The following KIF26B variants were observed in gnomAD, a reference collection of about 807,000 sequenced individuals.
The protein encoded by KIF26B is kinesin family member 26B, also known as kinesin-like protein KIF26B.
A neutral mutation model predicts 151.2 loss-of-function variants in KIF26B; 63 were observed. That is an observed-to-expected ratio of 0.42 (90% CI 0.34 to 0.51). The LOEUF is 0.51. Among genes scored for constraint, KIF26B ranks in the 20% least tolerant of loss-of-function variants. The pLI is 0.07. For missense variants in KIF26B, 2,813 were observed against 2,913.6 expected, an observed-to-expected ratio of 0.97 and a Z score of 0.79; for synonymous variants, 1,357 against 1,262.1, an observed-to-expected ratio of 1.08 and a Z score of -1.59.
At chr1:245,280,598 T>G (rs79581889) in intron 2 of KIF26B, among the ~76,000 whole-genome samples, 5,147 of 30,934 alleles carry the variant, frequency 0.17, 167 homozygotes, top group Middle Eastern at 0.31. Context: ...GAAGTTTTCG[T>G]TTTTTTTTTT....
chr1:245,307,730 ATC>A (rs967018903), intron 2 of KIF26B, among the ~76,000 whole-genome samples: 12 of 143,306 alleles, frequency 8.4e-5, no homozygotes, highest in African/African-American at 2.8e-4. Flanking sequence ...TCTACCAGGA[ATC>A]TCTCTCTCTC....
At chr1:245,514,293 G>A (rs965073559) in intron 4 of KIF26B, among the ~76,000 whole-genome samples, 3 of 152,110 alleles carry the variant, frequency 2.0e-5, no homozygotes, top group Admixed American at 6.6e-5. Context: ...TTGGGAGTCC[G>A]AGGCGGGCGG....
At chr1:245,690,834 T>C (rs890581402) in intron 12 of KIF26B, among the ~76,000 whole-genome samples, 1 of 152,220 alleles carries the variant, frequency 6.6e-6, no homozygotes, top group Non-Finnish European at 1.5e-5. Context: ...GAACCCCATT[T>C]AAGACAAGTT....
chr1:245,672,766 C>T (rs1165149200), intron 10 of KIF26B, among the ~76,000 whole-genome samples: 2 of 152,130 alleles, frequency 1.3e-5, no homozygotes, highest in Non-Finnish European at 2.9e-5. Flanking sequence ...AGACCTTTAC[C>T]TAGTCCTATT....
In KIF26B at chr1:245,686,174, G is replaced by C. The variant is rs768786753; in HGVS notation, c.3191G>C (p.Gly1064Ala). ...GFVEGKPRPM[G>A]SPRLGIASLS... ...GTGGAAGGCAAGCCCAGGCCCATGG[G>C]CTCCCCCCGGCTGGGCATCGCCAGC... The change falls in exon 12 of 15, where the codon GGC becomes GCC. Residue 1064 changes from glycine (G) to alanine (A), a missense_variant. Gly to Ala is a moderately conservative substitution (Grantham distance 60). Around this residue, in one of 3 missense-constraint regions of KIF26B, gnomAD observed 2,060 missense variants for 2,088.6 expected, o/e 0.99. Coordinates refer to ENST00000407071, the MANE Select transcript of KIF26B (RefSeq NM_018012.4). This position sits in a 1 kb window ranked among gnomAD's most constrained non-coding sequence, Gnocchi z 5.6. 11 of 1,612,004 alleles carry C rather than the reference G, an allele frequency of 6.8e-6. No homozygotes were observed. The highest frequency in any genetic ancestry group is 9.3e-6 in the Non-Finnish European group (11 of 1,179,420).
At position 245,170,256 on chromosome 1, in the gene KIF26B, G is replaced by A. The variant is rs546414524; in HGVS notation, c.465+13573G>A. Among the ~76,000 whole-genome samples the A allele has an allele frequency of 1.1e-4, 17 of 152,278 alleles. No homozygotes were observed. The highest frequency in any genetic ancestry group is 3.6e-4 in the African/African-American group (15 of 41,552). On this transcript the variant is annotated intron_variant, in intron 2 of 14. Coordinates refer to ENST00000407071, the MANE Select transcript of KIF26B (RefSeq NM_018012.4). The surrounding 1 kb of genome is among the most constrained non-coding windows in gnomAD (Gnocchi z 4.4). ...ACAGGGAGCACAGAGTAAGAGCAGC[G>A]CCTTCACCTCGGTGGAGCTTAGTCT...
chr1:245,608,210 C>G (rs2043478489), intron 7 of KIF26B, among the ~76,000 whole-genome samples: 1 of 152,188 alleles, frequency 6.6e-6, no homozygotes, highest in African/African-American at 2.4e-5. Context: ...CGGGAACACT[C>G]CAGCGCTGAA....
intron 14 of KIF26B, among the ~76,000 whole-genome samples, chr1:245,701,714 C>T (rs1367990310): frequency 6.6e-6 from 1 of 152,190 alleles, no homozygotes; most frequent in Non-Finnish European, 1.5e-5. Flanking sequence ...CCTTTAAAGA[C>T]ACTGTCAGCA....
intron 3 of KIF26B, among the ~76,000 whole-genome samples, chr1:245,369,195 G>GAGAGAGAGAGAC (rs375330671): frequency 2.4e-4 from 31 of 129,502 alleles, no homozygotes; most frequent in African/African-American, 5.0e-4. Context: ...GAGAGAGAGA[G>GAGAGAGAGAGAC]AGACAGACAG....
At position 245,687,665 on chromosome 1, in the gene KIF26B, C is replaced by G. The variant is rs368038396; in HGVS notation, c.4682C>G (p.Thr1561Ser). ...CTCTCCTATTACTGCGCTGCTGAGA[C>G]CAACGGGGTGGGTGCAGCCTCGGGC... ...DSLSYYCAAE[T>S]NGVGAASGTP... is the part of the protein sequence containing the mutation. Residue 1561 changes from threonine to serine, a missense_variant, in exon 12 of 15, where the codon ACC becomes AGC. This residue lies in a region of KIF26B where 2,060 missense variants were observed against 2,088.6 expected (regional missense o/e 0.99). Transcript: ENST00000407071. This position sits in a 1 kb window ranked among gnomAD's most constrained non-coding sequence, Gnocchi z 4.9. 3 of 1,576,698 alleles carry G rather than the reference C, an allele frequency of 1.9e-6. No homozygotes were observed. The highest frequency in any genetic ancestry group is 2.6e-6 in the Non-Finnish European group (3 of 1,161,582).
rs112741378 is a variant in KIF26B, at chr1:245,243,435, CATAT to C, written c.465+86762_465+86765del. On this transcript the variant is annotated intron_variant, in intron 2 of 14. Coordinates refer to ENST00000407071, the MANE Select transcript of KIF26B (RefSeq NM_018012.4). Reference sequence around the variant, plus strand: ...GGTATGGATTCTATATATATACATACATATATATATATACACACACACACACACA... The same window carrying C: ...GGTATGGATTCTATATATATACATACATATATATACACACACACACACACA... 1.7e-3 allele frequency among the ~76,000 whole-genome samples: 251 copies of C among 146,118 alleles called. 2 individuals are homozygous for C. Among genetic ancestry groups the C allele is most frequent in the African/African-American group, 6.0e-3 (237 of 39,768 alleles).
At chr1:245,524,269 C>T (rs188458311) in intron 4 of KIF26B, among the ~76,000 whole-genome samples, 9 of 152,330 alleles carry the variant, frequency 5.9e-5, no homozygotes, top group Admixed American at 2.0e-4. Flanking sequence ...CCATACCTTA[C>T]GCCCTTTATT....
At chr1:245,268,789 A>T (rs1458133865) in intron 2 of KIF26B, among the ~76,000 whole-genome samples, 3 of 152,160 alleles carry the variant, frequency 2.0e-5, no homozygotes, top group African/African-American at 7.2e-5. Context: ...TAATAATTCT[A>T]AATCTTTCTG....
At chr1:245,599,137 G>A (rs559408681) in intron 5 of KIF26B, among the ~76,000 whole-genome samples, 5 of 152,284 alleles carry the variant, frequency 3.3e-5, no homozygotes, top group South Asian at 2.1e-4. Context: ...CAACAAGTCC[G>A]AGGGACTTTC....
Position 245,686,213 on chromosome 1 carries a change from C to T in KIF26B, c.3230C>T (p.Ser1077Leu), listed in dbSNP as rs368098386. ...GGCATCGCCAGCCTGTCCAAGACCT[C>T]GGAGTACAAGCCACCCAGCTCTCCT... ...RLGIASLSKT[S>L]EYKPPSSPSQ... Residue 1077 changes from serine (S) to leucine (L), a missense_variant, in exon 12 of 15, where the codon TCG (serine) becomes TTG (leucine). Ser to Leu is a moderately radical substitution (Grantham distance 145). Coordinates refer to ENST00000407071, the MANE Select transcript of KIF26B (RefSeq NM_018012.4). The surrounding 1 kb of genome is among the most constrained non-coding windows in gnomAD (Gnocchi z 5.6). 8.1e-6 allele frequency: 13 copies of T among 1,612,560 alleles called. No individual in the cohort carries two copies. The highest frequency in any genetic ancestry group is 4.0e-5 in the African/African-American group (3 of 74,922).
At chr1:245,399,942 C>T (rs1268761897) in intron 3 of KIF26B, among the ~76,000 whole-genome samples, 3 of 152,250 alleles carry the variant, frequency 2.0e-5, no homozygotes, top group South Asian at 2.1e-4. Flanking sequence ...ATCAGAGCTA[C>T]GATACCAATG....
At chr1:245,410,957 G>A (rs1365899237) in intron 3 of KIF26B, among the ~76,000 whole-genome samples, 1 of 152,054 alleles carries the variant, frequency 6.6e-6, no homozygotes, top group East Asian at 1.9e-4. Flanking sequence ...CAGATAGGTG[G>A]AATCATACAA....
At chr1:245,311,943 A>G (rs1340382496) in intron 2 of KIF26B, among the ~76,000 whole-genome samples, 2 of 152,218 alleles carry the variant, frequency 1.3e-5, no homozygotes, top group African/African-American at 2.4e-5. Context: ...AAAAGAAACA[A>G]AAAAATCACC....
intron 4 of KIF26B, among the ~76,000 whole-genome samples, chr1:245,445,515 TG>T (rs1361734635): frequency 6.6e-6 from 1 of 152,178 alleles, no homozygotes; most frequent in Admixed American, 6.5e-5. Flanking sequence ...TGTGCGCACG[TG>T]GGGGGGATAC....
Sources: gnomAD v4.1 joint callset for allele counts (sites outside exome capture counted in the v4.1 genomes callset) on GRCh38, gnomAD v4.1.1 for gene constraint, gnomAD v4.1.1 regional missense constraint, Gnocchi (gnomAD v3.1) non-coding constraint, MANE v1.5 for transcripts, NCBI Gene and HGNC (gene_info 2026-07-23, HGNC 2026-07-21) for gene names.